Variants in EPPK1 observed in about 807,000 individuals in gnomAD.
The protein encoded by EPPK1 is epiplakin.
For synonymous variants in EPPK1, 1,862 were observed against 1,721.2 expected (o/e 1.08, Z -2.03); for missense variants, 3,823 against 3,673.3 (o/e 1.04, Z -1.05).
Position 143,868,479 on chromosome 8 carries a change from CTCAGGGCCTCT to C in EPPK1, c.4764_4774del (p.Leu1591HisfsTer177). The stretch of plus-strand genomic sequence containing the variant: ...TGTGCCAGGCCGCAGGATGTGCCTC[CTCAGGGCCTCT>C]GGGATGCTCATCCTCTCCTGGGTGC... On this transcript the variant is annotated frameshift_variant, in exon 2 of 2. Transcript: ENST00000615648. LOFTEE classifies it low-confidence loss of function (END_TRUNC). The C allele has an allele frequency of 6.2e-7, 1 of 1,611,970 alleles. No homozygotes were observed. The highest frequency in any genetic ancestry group is 8.5e-7 in the Non-Finnish European group (1 of 1,179,606).
At position 143,869,466 on chromosome 8, in the gene EPPK1, G is replaced by A. The variant is rs561682200; in HGVS notation, c.3788C>T (p.Ala1263Val). ...CAGGAGGCCATCCCTCACGGCCTGG[G>A]CGATGCTGGCCTTGGCCCCAGAGGG... ...LQPSGAKASI[A>V]QAVRDGLLPT... Residue 1263 changes from alanine (A) to valine (V), a missense_variant, in exon 2 of 2, where the codon GCC becomes GTC. Physicochemically the swap from Ala to Val is moderately conservative, Grantham distance 64 (BLOSUM62 0). Transcript: ENST00000615648. The A allele has an allele frequency of 4.0e-5, 62 of 1,556,470 alleles. No homozygotes were observed. The South Asian group carries it at 6.0e-4, about 15-fold the overall frequency.
In EPPK1 at chr8:143,869,195, C is replaced by CA. The variant is rs1819248648; in HGVS notation, c.4058dup (p.Leu1353PhefsTer45). ...TGGCCAGCTGCACCTGCAGGAGGGG[C>CA]AAGCCCTCGTTCTGTGGCACGAGCC... is the stretch of plus-strand genomic sequence containing the variant. On this transcript the variant is annotated frameshift_variant, in exon 2 of 2. Coordinates refer to ENST00000615648, the MANE Select transcript of EPPK1 (RefSeq NM_031308.4). LOFTEE classifies it low-confidence loss of function (END_TRUNC). 1 of 1,609,570 alleles carries CA rather than the reference C, an allele frequency of 6.2e-7. No homozygotes were observed. The highest frequency in any genetic ancestry group is 1.3e-5 in the African/African-American group (1 of 75,056).
At position 143,866,878 on chromosome 8, in the gene EPPK1, G is replaced by A. The variant is rs1240770808; in HGVS notation, c.6376C>T (p.Leu2126=). Residue 2126 remains leucine (L), a synonymous_variant, in exon 2 of 2, where the codon CTG becomes TTG. Coordinates refer to ENST00000615648, the MANE Select transcript of EPPK1 (RefSeq NM_031308.4). ...RGQKPTLWAL[L]NSEYVTEEKK... Reference sequence around the variant, plus strand: ...TCCTCTGTCACGTATTCGGAATTCAGTAGTGCCCACAGTGTTGGTTTCTGG... The same window carrying A: ...TCCTCTGTCACGTATTCGGAATTCAATAGTGCCCACAGTGTTGGTTTCTGG... The A allele has an allele frequency of 2.5e-6, 4 of 1,613,130 alleles. No individual in the cohort carries two copies. The highest frequency in any genetic ancestry group is 3.4e-6 in the Non-Finnish European group (4 of 1,179,878).
intron 1 of EPPK1, among the ~76,000 whole-genome samples, chr8:143,875,135 T>A (rs540201728): frequency 4.6e-5 from 7 of 152,106 alleles, no homozygotes; most frequent in Admixed American, 3.3e-4. Context: ...CTCCTGGAGG[T>A]CTCACAGGCA....
chr8:143,866,602 G>A lies in EPPK1; in HGVS notation c.6652C>T (p.Arg2218Cys), dbSNP rs1819114034. The A allele has an allele frequency of 2.6e-5, 42 of 1,612,630 alleles. No individual in the cohort carries two copies. Among genetic ancestry groups the A allele is most frequent in the South Asian group, 5.5e-5 (5 of 91,088 alleles). The change falls in exon 2 of 2, where the codon CGC becomes TGC. Residue 2218 changes from arginine (R) to cysteine (C), a missense_variant. Coordinates refer to ENST00000615648, the MANE Select transcript of EPPK1 (RefSeq NM_031308.4). ...ATGCAGCTGGTGCCCTCCAGGTAGC[G>A]CTTGACGCGGTCGTCCTCCATGAGC... ...QELMEDDRVK[R>C]YLEGTSCIAG...
At chr8:143,876,820 G>A (rs1819488170) in intron 1 of EPPK1, among the ~76,000 whole-genome samples, 1 of 152,182 alleles carries the variant, frequency 6.6e-6, no homozygotes, top group African/African-American at 2.4e-5. Context: ...GAGGAAATGA[G>A]AGGAGCACCT....
Position 143,868,580 on chromosome 8 carries a change from C to A in EPPK1, c.4674G>T (p.Ala1558=). 1 of 1,603,818 alleles carries A rather than the reference C, an allele frequency of 6.2e-7. No individual in the cohort carries two copies. Among genetic ancestry groups the A allele is most frequent in the South Asian group, 1.1e-5 (1 of 89,496 alleles). ...GGGACCGCTTCACGCTGTCCATCTC[C>A]GCCACCTCCTTCACAGTCGTTGTCC... ...SQGTTTVKEV[A]EMDSVKRSLE... Residue 1558 remains alanine, a synonymous_variant, in exon 2 of 2, where the codon GCG becomes GCT. Transcript: ENST00000615648.
chr8:143,866,685 G>T lies in EPPK1; in HGVS notation c.6569C>A (p.Ala2190Asp), dbSNP rs1554659120. 4 of 1,613,268 alleles carry T rather than the reference G, an allele frequency of 2.5e-6. No homozygotes were observed. The highest frequency in any genetic ancestry group is 8.5e-7 in the Non-Finnish European group (1 of 1,179,874). ...QITASELLSS[A>D]IITEEMLQDL... The stretch of plus-strand genomic sequence containing the variant: ...CTGGAGCATTTCCTCCGTGATTATG[G>T]CTGAGCTGAGGAGTTCAGAAGCTGT... The change falls in exon 2 of 2, where the codon GCC (alanine) becomes GAC (aspartate). Residue 2190 changes from alanine (A) to aspartate (D), a missense_variant. By Grantham distance (126) the Ala-to-Asp change is moderately radical. Transcript: ENST00000615648.
At position 143,868,532 on chromosome 8, in the gene EPPK1, G is replaced by T. The variant is rs144286038; in HGVS notation, c.4722C>A (p.Ala1574=). ...KRSLEGGNFI[A]GVLIQGTQER... ...CCTGGGTGCCCTGGATAAGGACCCC[G>T]GCAATGAAGTTGCCTCCCTCCAGGG... is the stretch of plus-strand genomic sequence containing the variant. The change falls in exon 2 of 2, where the codon GCC becomes GCA. Residue 1574 remains alanine, a synonymous_variant. Coordinates refer to ENST00000615648, the MANE Select transcript of EPPK1 (RefSeq NM_031308.4). 2 of 1,606,234 alleles carry T rather than the reference G, an allele frequency of 1.2e-6. No individual in the cohort carries two copies. The highest frequency in any genetic ancestry group is 2.2e-5 in the East Asian group (1 of 44,568).
chr8:143,857,914 A>C lies in EPPK1; in HGVS notation c.*73T>G, dbSNP rs900476229. 1.8e-4 allele frequency: 155 copies of C among 841,180 alleles called. No individual in the cohort carries two copies. In the African/African-American group the frequency reaches 2.2e-3, roughly 12 times the overall value. The allele number at this position is 841,180 out of a possible 1,614,324, so 52.1% of individuals were successfully genotyped here. ...AGAATGACAAAAAAAAAAAAAAAAA[A>C]AAAAACAACCCAGACACACAAGTAT... On this transcript the variant is annotated 3_prime_UTR_variant, in exon 2 of 2. Coordinates refer to ENST00000615648, the MANE Select transcript of EPPK1 (RefSeq NM_031308.4).
Position 143,857,922 on chromosome 8 carries a change from AC to A in EPPK1, c.*64del. The A allele has an allele frequency of 1.2e-6, 1 of 800,504 alleles. No individual in the cohort carries two copies. Among genetic ancestry groups the A allele is most frequent in the South Asian group, 2.7e-5 (1 of 37,504 alleles). The allele number at this position is 800,504 out of a possible 1,614,324, so 49.6% of individuals were successfully genotyped here. On this transcript the variant is annotated 3_prime_UTR_variant, in exon 2 of 2. Transcript: ENST00000615648. ...AAAAAAAAAAAAAAAAAAAAAAACA[AC>A]CCAGACACACAAGTATGCCTCCACT...
In EPPK1 at chr8:143,871,522, T is replaced by C. The variant is rs1819348349; in HGVS notation, c.1732A>G (p.Ile578Val). 2 of 1,610,228 alleles carry C rather than the reference T, an allele frequency of 1.2e-6. No homozygotes were observed. Among genetic ancestry groups the C allele is most frequent in the South Asian group, 1.1e-5 (1 of 90,496 alleles). The change falls in exon 2 of 2, where the codon ATC becomes GTC. Residue 578 changes from isoleucine (I) to valine (V), a missense_variant. Coordinates refer to ENST00000615648, the MANE Select transcript of EPPK1 (RefSeq NM_031308.4). ...TPGELLKAEI[I>V]DQDLYERLEH... The stretch of plus-strand genomic sequence containing the variant: ...AGCCGCTCGTACAGGTCCTGGTCGA[T>C]GATCTCGGCTTTCAGCAGCTCTCCT...
Position 143,871,705 on chromosome 8 carries a change from C to G in EPPK1, c.1549G>C (p.Glu517Gln). The G allele has an allele frequency of 6.2e-7, 1 of 1,607,534 alleles. No homozygotes were observed. The highest frequency in any genetic ancestry group is 1.3e-5 in the African/African-American group (1 of 75,006). ...GCCCTCTGCTCTGAGGAGATGGCCT[C>G]AGAGAAGAGCAGCTCCCAGAGGGAC... The part of the protein sequence containing the change: ...PVSLWELLFS[E>Q]AISSEQRAML... The change falls in exon 2 of 2, where the codon GAG becomes CAG. Residue 517 changes from glutamate to glutamine, a missense_variant. By Grantham distance (29) the Glu-to-Gln change is conservative (BLOSUM62 2). Transcript: ENST00000615648.
chr8:143,870,686 C>G lies in EPPK1; in HGVS notation c.2568G>C (p.Gln856His), dbSNP rs1554660869. The change falls in exon 2 of 2, where the codon CAG becomes CAC. Residue 856 changes from glutamine (Q) to histidine (H), a missense_variant. Gln to His is a conservative substitution (Grantham distance 24). Transcript: ENST00000615648. The surrounding 1 kb of genome is among the most constrained non-coding windows in gnomAD (Gnocchi z 5.2). ...RRRQLLRRYR[Q>H]REVTLGQVAK... ...CCACCTGCCCCAGCGTGACCTCGCG[C>G]TGCCGGTAGCGACGCAGCAGCTGCC... 2 of 1,609,646 alleles carry G rather than the reference C, an allele frequency of 1.2e-6. No homozygotes were observed. Among genetic ancestry groups the G allele is most frequent in the East Asian group, 2.2e-5 (1 of 44,700 alleles).
Position 143,870,031 on chromosome 8 carries a change from T to C in EPPK1, c.3223A>G (p.Thr1075Ala), listed in dbSNP as rs1554660590. 1 of 1,610,896 alleles carries C rather than the reference T, an allele frequency of 6.2e-7. No homozygotes were observed. ...GTTTCGGAGGAGCTGGACAAGGCTG[T>C]CTCCATCTCCTGGTCAACATAGCCA... ...QRGYVDQEME[T>A]ALSSSSETFP... The change falls in exon 2 of 2, where the codon ACA (threonine) becomes GCA (alanine). Residue 1075 changes from threonine to alanine, a missense_variant. Thr to Ala is a moderately conservative substitution (Grantham distance 58, BLOSUM62 0). Transcript: ENST00000615648. The surrounding 1 kb of genome is among the most constrained non-coding windows in gnomAD (Gnocchi z 5.2).
upstream of EPPK1, among the ~76,000 whole-genome samples, chr8:143,879,153 G>A (rs1232990690): frequency 6.6e-6 from 1 of 152,194 alleles, no homozygotes; most frequent in Non-Finnish European, 1.5e-5. Flanking sequence ...GCTGGCCTGG[G>A]GGCAGCCTCA....
At chr8:143,877,388 A>G (rs28683038) in intron 1 of EPPK1, among the ~76,000 whole-genome samples, 2,332 of 152,196 alleles carry the variant, frequency 0.015, 54 homozygotes, top group African/African-American at 0.052. Context: ...GCTGCTGCCT[A>G]GGAGAGCACG....
Position 143,868,782 on chromosome 8 carries a change from C to G in EPPK1, c.4472G>C (p.Arg1491Pro). ...DKRRELVALCRSGRAAALRQV... is the reference protein window; with the variant it reads ...DKRRELVALCPSGRAAALRQV... ...CCGCAGGGCCGCAGCCCTCCCAGAC[C>G]GACAGAGTGCCACCAGCTCCCGCCG... Residue 1491 changes from arginine to proline, a missense_variant, in exon 2 of 2, where the codon CGG (arginine) becomes CCG (proline). Coordinates refer to ENST00000615648, the MANE Select transcript of EPPK1 (RefSeq NM_031308.4). The G allele has an allele frequency of 3.1e-6, 5 of 1,599,066 alleles. No individual in the cohort carries two copies. The highest frequency in any genetic ancestry group is 4.2e-6 in the Non-Finnish European group (5 of 1,177,628).
In EPPK1 at chr8:143,863,142, T is replaced by TATCATTAAAAA; in HGVS notation, c.10111_10112insTTTTTAATGAT (p.Glu3371ValfsTer73). ...GTCGGTGTAGCCGGTGACGGCGCGCTCGGCCGACAGCAGCTTCTCCTGGAT... is the reference window on the plus strand; with the variant it reads ...GTCGGTGTAGCCGGTGACGGCGCGCTATCATTAAAAACGGCCGACAGCAGCTTCTCCTGGAT... On this transcript the variant is annotated frameshift_variant, in exon 2 of 2. Coordinates refer to ENST00000615648, the MANE Select transcript of EPPK1 (RefSeq NM_031308.4). LOFTEE classifies it low-confidence loss of function (END_TRUNC). 1 of 96,166 alleles carries TATCATTAAAAA rather than the reference T, an allele frequency of 1.0e-5. No homozygotes were observed. The highest frequency in any genetic ancestry group is 1.9e-5 in the Non-Finnish European group (1 of 52,568). The allele number at this position is 96,166 out of a possible 1,614,324, so 6.0% of individuals were successfully genotyped here.
Sources: allele counts gnomAD v4.1 joint callset (sites outside exome capture counted in the v4.1 genomes callset), GRCh38; gene constraint gnomAD v4.1.1; non-coding constraint Gnocchi (gnomAD v3.1); transcripts MANE v1.5; gene names NCBI Gene and HGNC (gene_info 2026-07-23, HGNC 2026-07-21).